Variants in NSD1 observed in about 807,000 individuals in gnomAD.
The protein encoded by NSD1 is histone-lysine N-methyltransferase, H3 lysine-36 specific.
In NSD1, 26 loss-of-function variants were observed where a neutral mutation model predicts 242.7. That is an observed-to-expected ratio of 0.11 (90% CI 0.08 to 0.15). NSD1 has a LOEUF of 0.15. NSD1 is among the 10% of genes least tolerant of loss of function. NSD1 has a pLI of 1.00. For synonymous variants in NSD1, 1,106 were observed against 1,178.1 expected, an observed-to-expected ratio of 0.94 and a Z score of 1.25; for missense variants, 2,495 against 3,272.8, an observed-to-expected ratio of 0.76 and a Z score of 5.80.
chr5:177,233,537 A>ATTTTTTTTTTTTTTTTTTTTTTTTT (rs56908682), intron 5 of NSD1, among the ~76,000 whole-genome samples: 1 of 126,430 alleles, frequency 7.9e-6, no homozygotes, highest in African/African-American at 3.1e-5. Context: ...CCTGGCTAGT[A>ATTTTTTTTTTTTTTTTTTTTTTTTT]TTTTTTTTTT....
chr5:177,192,101 T>G, intron 3 of NSD1, 82 bp downstream of exon 3: 1 of 1,250,980 alleles, frequency 8.0e-7, no homozygotes. Context: ...AATAATATAT[T>G]TTTTTCCTTG....
At chr5:177,188,553 TTAA>T (rs146971938) in intron 2 of NSD1, among the ~76,000 whole-genome samples, 116 of 152,352 alleles carry the variant, frequency 7.6e-4, no homozygotes, top group African/African-American at 2.7e-3. Context: ...GCCTTGTTAT[TTAA>T]AAGTTTTTTT....
At chr5:177,189,458 C>T (rs1761497385) in intron 2 of NSD1, among the ~76,000 whole-genome samples, 1 of 152,100 alleles carries the variant, frequency 6.6e-6, no homozygotes, top group African/African-American at 2.4e-5. Context: ...AAGACAGAAC[C>T]AACAACATGT....
Position 177,298,875 on chromosome 5 carries a change from T to G in NSD1, c.*3416T>G, listed in dbSNP as rs1248889348. 4.3e-6 allele frequency: 1 copy of G among 232,990 alleles called. No individual in the cohort carries two copies. Among genetic ancestry groups the G allele is most frequent in the African/African-American group, 2.2e-5 (1 of 45,332 alleles). 14.4% of individuals were successfully genotyped at this position (232,990 alleles called of 1,614,324 possible). On this transcript the variant is annotated 3_prime_UTR_variant, in exon 23 of 23. Coordinates refer to ENST00000439151, the MANE Select transcript of NSD1 (RefSeq NM_022455.5). ...TTAGTCCCTATAAGGTGGATTTTAC[T>G]AAGGTTTTTTAAATGATACTGTCAT...
intron 3 of NSD1, among the ~76,000 whole-genome samples, chr5:177,200,152 A>G (rs1412548804): frequency 6.6e-6 from 1 of 151,672 alleles, no homozygotes; most frequent in Non-Finnish European, 1.5e-5. Flanking sequence ...AGGCTGTGGC[A>G]GGATCTCAGC....
intron 7 of NSD1, among the ~76,000 whole-genome samples, chr5:177,239,256 G>A (rs1020961689): frequency 1.3e-5 from 2 of 152,190 alleles, no homozygotes; most frequent in African/African-American, 4.8e-5. Flanking sequence ...GAACAGTAAA[G>A]ATAGTTATTA....
At chr5:177,186,319 T>C (rs1761230095) in intron 2 of NSD1, among the ~76,000 whole-genome samples, 1 of 151,140 alleles carries the variant, frequency 6.6e-6, no homozygotes, top group Non-Finnish European at 1.5e-5. Context: ...ATTGTTGCAC[T>C]ATGGCTATTT....
Position 177,251,716 on chromosome 5 carries a change from C to G in NSD1, c.4642-14C>G. 1.2e-6 allele frequency: 2 copies of G among 1,613,926 alleles called. No homozygotes were observed. Among genetic ancestry groups the G allele is most frequent in the Non-Finnish European group, 1.7e-6 (2 of 1,179,846 alleles). On this transcript the variant is annotated splice_polypyrimidine_tract_variant and intron_variant, in intron 11 of 22. Transcript: ENST00000439151. ...ACATGGAAAAACAGATAGATGTTTT[C>G]TTTCTCTTAACAGAATTGTGAAAAA...
intron 11 of NSD1, among the ~76,000 whole-genome samples, chr5:177,250,283 T>G (rs905798807): frequency 1.3e-5 from 2 of 152,210 alleles, no homozygotes; most frequent in African/African-American, 4.8e-5. Flanking sequence ...GTGAGACAAG[T>G]CAGAGTGTAA....
intron 13 of NSD1, among the ~76,000 whole-genome samples, chr5:177,258,995 C>T (rs1158424221): frequency 1.3e-5 from 2 of 152,236 alleles, no homozygotes; most frequent in African/African-American, 2.4e-5. Flanking sequence ...CCACCACTCC[C>T]GACTACTTTT....
intron 2 of NSD1, among the ~76,000 whole-genome samples, chr5:177,166,212 C>T (rs1336573475): frequency 3.9e-5 from 6 of 152,058 alleles, no homozygotes; most frequent in Non-Finnish European, 5.9e-5. Context: ...CGCGCCTGGC[C>T]TCCCAGCCCA....
rs540506662 is a variant in NSD1, at chr5:177,216,668, CTGT to C, written c.3796+4475_3796+4477del. Among the ~76,000 whole-genome samples the C allele has an allele frequency of 4.2e-5, 6 of 142,776 alleles. No homozygotes were observed. In the East Asian group the frequency reaches 1.2e-3, roughly 28 times the overall value. 93.7% of individuals were successfully genotyped at this position (142,776 alleles called of 152,430 possible). On this transcript the variant is annotated intron_variant, in intron 5 of 22. Coordinates refer to ENST00000439151, the MANE Select transcript of NSD1 (RefSeq NM_022455.5). ...TGTATGTGATTTATTTCAGGGATCT[CTGT>C]TTTTTTTTTTTTTTTTTTAATTTTT...
intron 2 of NSD1, chr5:177,137,531 T>G (rs747998919): frequency 1.3e-5 from 2 of 152,158 alleles, no homozygotes; most frequent in Admixed American, 6.6e-5. Context: ...TTAAAAAAAT[T>G]TGCTTTAGTG....
At position 177,295,199 on chromosome 5, in the gene NSD1, C is replaced by G. The variant is rs1760173375; in HGVS notation, c.7831C>G (p.Pro2611Ala). ...TCTCGGGAAGGCCCCAGCCTCCCTC[C>G]CCACTGAAGAAAAGAAGTTGGTAAC... ...RSLGKAPASL[P>A]TEEKKLVTTE... Residue 2611 changes from proline to alanine, a missense_variant, in exon 23 of 23, where the codon CCC becomes GCC. Physicochemically the swap from Pro to Ala is conservative, Grantham distance 27. Transcript: ENST00000439151. This position sits in a 1 kb window ranked among gnomAD's most constrained non-coding sequence, Gnocchi z 4.3. 1 of 1,614,220 alleles carries G rather than the reference C, an allele frequency of 6.2e-7. No homozygotes were observed.
chr5:177,151,719 TCTCA>T (rs1394591225), intron 2 of NSD1, among the ~76,000 whole-genome samples: 1 of 150,542 alleles, frequency 6.6e-6, no homozygotes, highest in Non-Finnish European at 1.5e-5. Context: ...TGAGACAGGG[TCTCA>T]CTCTGTTGGC....
chr5:177,235,100 A>G lies in NSD1; in HGVS notation c.3797-721A>G, dbSNP rs532987427. Among the ~76,000 whole-genome samples the G allele has an allele frequency of 8.5e-5, 13 of 152,324 alleles. No individual in the cohort carries two copies. The South Asian group carries it at 2.5e-3, about 29-fold the overall frequency. ...GTTAAGTACTTATGTGTGAATAAGT[A>G]TAAGAAAATGTTTGCCTGTCAGTAG... On this transcript the variant is annotated intron_variant, in intron 5 of 22. Transcript: ENST00000439151.
At position 177,238,945 on chromosome 5, in the gene NSD1, A is replaced by G. The variant is rs1312585750; in HGVS notation, c.4192+438A>G. 1.3e-5 allele frequency among the ~76,000 whole-genome samples: 2 copies of G among 152,244 alleles called. No individual in the cohort carries two copies. The highest frequency in any genetic ancestry group is 2.4e-5 in the African/African-American group (1 of 41,462). On this transcript the variant is annotated intron_variant, in intron 7 of 22. Transcript: ENST00000439151. This position sits in a 1 kb window ranked among gnomAD's most constrained non-coding sequence, Gnocchi z 4.6. ...ATAATGTATTAATGTGTAATGTTAT[A>G]TACCTGACAACATAGTAATTACCAG...
intron 2 of NSD1, among the ~76,000 whole-genome samples, chr5:177,154,121 AG>A (rs1306684958): frequency 6.6e-6 from 1 of 152,100 alleles, no homozygotes; most frequent in Non-Finnish European, 1.5e-5. Context: ...TCTTTGTATG[AG>A]GCCTGTTCTT....
At chr5:177,249,712 C>T (rs1755765850) in intron 11 of NSD1, among the ~76,000 whole-genome samples, 1 of 152,186 alleles carries the variant, frequency 6.6e-6, no homozygotes. Context: ...TGGTCTCGAT[C>T]TCCTGACCTC....
Sources: gnomAD v4.1 joint callset for allele counts (sites outside exome capture counted in the v4.1 genomes callset) on GRCh38, gnomAD v4.1.1 for gene constraint, Gnocchi (gnomAD v3.1) non-coding constraint, MANE v1.5 for transcripts, NCBI Gene and HGNC (gene_info 2026-07-23, HGNC 2026-07-21) for gene names.